FGF14: variants seen among roughly 807,000 people sequenced by gnomAD.
FGF14 encodes fibroblast growth factor homologous factor 4.
FGF14 carries 5 observed loss-of-function variants against 25.5 expected under a neutral mutation model. The observed-to-expected ratio is 0.20, with a 90% CI of 0.10 to 0.41. FGF14 has a LOEUF of 0.41. Among genes scored for constraint, FGF14 ranks in the 10% least tolerant of loss-of-function variants. The pLI is 1.00. For synonymous variants in FGF14, 138 were observed against 118.3 expected (o/e 1.17, Z -1.08); for missense variants, 222 against 320.1 (o/e 0.69, Z 2.34).
intron 1 of FGF14, among the ~76,000 whole-genome samples, chr13:102,179,843 G>A (rs1993476): frequency 0.028 from 4,292 of 152,174 alleles, 200 homozygotes; most frequent in African/African-American, 0.098. Context: ...ATAGGATTAC[G>A]TGGACCCTAG....
chr13:102,315,465 A>G (rs922121097), intron 1 of FGF14, among the ~76,000 whole-genome samples: 2 of 152,084 alleles, frequency 1.3e-5, no homozygotes, highest in African/African-American at 4.8e-5. Flanking sequence ...GGCCTCTTTT[A>G]CTTGACTAAG....
intron 1 of FGF14, among the ~76,000 whole-genome samples, chr13:102,006,172 G>T (rs930583542): frequency 1.3e-5 from 2 of 152,164 alleles, no homozygotes; most frequent in Non-Finnish European, 2.9e-5. Context: ...ATGTTAACAA[G>T]GGGAGAACCT....
intron 1 of FGF14, among the ~76,000 whole-genome samples, chr13:102,279,631 T>C (rs1455085809): frequency 1.3e-5 from 2 of 152,190 alleles, no homozygotes; most frequent in East Asian, 1.9e-4. Flanking sequence ...TATTTGCACA[T>C]AGTACAAAAT....
intron 1 of FGF14, among the ~76,000 whole-genome samples, chr13:102,085,040 A>C (rs2043825599): frequency 6.6e-6 from 1 of 152,204 alleles, no homozygotes; most frequent in Non-Finnish European, 1.5e-5. Context: ...TCATTGACCA[A>C]ATTTGAAACA....
chr13:102,241,557 A>T (rs1003403636), intron 1 of FGF14, among the ~76,000 whole-genome samples: 1 of 152,168 alleles, frequency 6.6e-6, no homozygotes, highest in African/African-American at 2.4e-5. Context: ...AAGACAGCTC[A>T]GAATCCTCCT....
intron 1 of FGF14, among the ~76,000 whole-genome samples, chr13:102,186,919 T>A (rs1210278544): frequency 1.3e-5 from 2 of 152,126 alleles, no homozygotes; most frequent in Non-Finnish European, 2.9e-5. Flanking sequence ...ATAAGTTACA[T>A]ACACAGCACA....
At chr13:102,161,610 G>GA (rs1566764381) in intron 1 of FGF14, among the ~76,000 whole-genome samples, 6 of 2,908 alleles carry the variant, frequency 2.1e-3, no homozygotes, top group Non-Finnish European at 5.5e-4. Context: ...AGAAGAAGAA[G>GA]AAGAAGAAGA....
At chr13:102,390,211 T>C (rs1260139771) in intron 1 of FGF14, among the ~76,000 whole-genome samples, 3 of 151,974 alleles carry the variant, frequency 2.0e-5, no homozygotes, top group Admixed American at 1.3e-4. Flanking sequence ...AGAATGGAAA[T>C]AAGAAAAATT....
At chr13:102,353,249 TTC>T (rs1353603179) in intron 1 of FGF14, among the ~76,000 whole-genome samples, 1 of 152,212 alleles carries the variant, frequency 6.6e-6, no homozygotes, top group Non-Finnish European at 1.5e-5. Flanking sequence ...TTGCTGTGCA[TTC>T]TCTCTCAATC....
Position 101,864,739 on chromosome 13 carries a change from C to G in FGF14, c.408+3986G>C, listed in dbSNP as rs2044605806. Among the ~76,000 whole-genome samples, 6 of 152,096 alleles carry G rather than the reference C, an allele frequency of 3.9e-5. No individual in the cohort carries two copies. The South Asian group carries it at 1.2e-3, about 31-fold the overall frequency. Reference sequence around the variant, plus strand: ...TTCAGGAGAACACTGGCACTTACGACCGCGAAGATGCCTGCACCTAGAACA... The same window carrying G: ...TTCAGGAGAACACTGGCACTTACGAGCGCGAAGATGCCTGCACCTAGAACA... On this transcript the variant is annotated intron_variant, in intron 3 of 4. Coordinates refer to ENST00000376143, the MANE Select transcript of FGF14 (RefSeq NM_004115.4).
At chr13:102,002,960 C>T (rs1025544631) in intron 1 of FGF14, 4 of 152,172 alleles carry the variant, frequency 2.6e-5, no homozygotes, top group Non-Finnish European at 4.4e-5. Flanking sequence ...AATTAATAAA[C>T]CCAACACTGC....
intron 1 of FGF14, among the ~76,000 whole-genome samples, chr13:101,885,876 C>G (rs2045965629): frequency 6.6e-6 from 1 of 152,104 alleles, no homozygotes; most frequent in Non-Finnish European, 1.5e-5. Context: ...TCAGGAACAC[C>G]ACCTAACTAT....
intron 1 of FGF14, among the ~76,000 whole-genome samples, chr13:101,985,484 T>C (rs890363585): frequency 1.3e-5 from 2 of 152,108 alleles, no homozygotes; most frequent in African/African-American, 4.8e-5. Flanking sequence ...AAAAATCCCA[T>C]TATTTCAGTA....
At chr13:101,736,446 T>A (rs745633345) in intron 3 of FGF14, among the ~76,000 whole-genome samples, 3 of 152,202 alleles carry the variant, frequency 2.0e-5, no homozygotes, top group Non-Finnish European at 4.4e-5. Flanking sequence ...TTTTTATATT[T>A]GTTGAATATA....
intron 1 of FGF14, among the ~76,000 whole-genome samples, chr13:102,001,070 C>A (rs1354376157): frequency 6.6e-6 from 1 of 151,846 alleles, no homozygotes; most frequent in East Asian, 1.9e-4. Context: ...GCATAAATAG[C>A]AAAAAGTGAT....
At chr13:102,183,523 T>C (rs904884059) in intron 1 of FGF14, among the ~76,000 whole-genome samples, 7 of 152,172 alleles carry the variant, frequency 4.6e-5, no homozygotes, top group African/African-American at 1.7e-4. Flanking sequence ...TTTCATTCAG[T>C]AATAACAAAT....
At chr13:102,077,941 A>T (rs1292107894) in intron 1 of FGF14, among the ~76,000 whole-genome samples, 3 of 152,206 alleles carry the variant, frequency 2.0e-5, no homozygotes, top group Non-Finnish European at 2.9e-5. Flanking sequence ...TATACAATGG[A>T]GTATTATTAA....
chr13:101,768,375 G>T (rs2038542754), intron 3 of FGF14, among the ~76,000 whole-genome samples: 1 of 152,122 alleles, frequency 6.6e-6, no homozygotes, highest in Admixed American at 6.6e-5. Flanking sequence ...ACTCAATATT[G>T]TCAGCATATC....
intron 1 of FGF14, among the ~76,000 whole-genome samples, chr13:102,391,720 T>C (rs1017813297): frequency 6.6e-6 from 1 of 152,184 alleles, no homozygotes; most frequent in Non-Finnish European, 1.5e-5. Context: ...CATTTAGCAA[T>C]GAAGGAGGAA....
Sources: gnomAD v4.1 joint callset for allele counts (sites outside exome capture counted in the v4.1 genomes callset) on GRCh38, gnomAD v4.1.1 for gene constraint, MANE v1.5 for transcripts, NCBI Gene and HGNC (gene_info 2026-07-23, HGNC 2026-07-21) for gene names.